The following CADM2 variants were observed in gnomAD, a reference collection of about 807,000 sequenced individuals.
The protein encoded by CADM2 is cell adhesion molecule 2, also known as immunoglobulin superfamily member 4D.
Under a neutral mutation model 49.8 loss-of-function variants are expected in CADM2, and 12 were observed. That is an observed-to-expected ratio of 0.24 (90% CI 0.15 to 0.39). The LOEUF is 0.39. Ranked by LOEUF, CADM2 falls within the 10% of genes least tolerant of loss-of-function variation. The pLI, the probability that CADM2 is intolerant of heterozygous loss-of-function variation, is 1.00. For synonymous variants in CADM2, 214 were observed against 175.4 expected (o/e 1.22, Z -1.74); for missense variants, 378 against 492.3 (o/e 0.77, Z 2.20).
At chr3:85,562,261 C>T (rs1377623602) in intron 1 of CADM2, among the ~76,000 whole-genome samples, 1 of 151,988 alleles carries the variant, frequency 6.6e-6, no homozygotes, top group Non-Finnish European at 1.5e-5. Context: ...AGGCGGATCA[C>T]CTGAGGTCGG....
chr3:85,649,401 T>C (rs1343358156), intron 1 of CADM2, among the ~76,000 whole-genome samples: 1 of 152,198 alleles, frequency 6.6e-6, no homozygotes, highest in African/African-American at 2.4e-5. Context: ...GGCTGAGATA[T>C]GCATTGCTGT....
chr3:85,902,160 C>A (rs1227612074), intron 5 of CADM2, among the ~76,000 whole-genome samples: 2 of 151,982 alleles, frequency 1.3e-5, no homozygotes, highest in Non-Finnish European at 2.9e-5. Context: ...AACAGTATTG[C>A]TGGACTAAAT....
chr3:85,773,946 T>G (rs1019048209), intron 2 of CADM2, among the ~76,000 whole-genome samples: 2 of 151,970 alleles, frequency 1.3e-5, no homozygotes, highest in Non-Finnish European at 2.9e-5. Flanking sequence ...AGGGACATAT[T>G]TTACCTATCC....
intron 1 of CADM2, among the ~76,000 whole-genome samples, chr3:85,666,091 CCAA>C (rs993780093): frequency 2.6e-5 from 4 of 151,916 alleles, no homozygotes; most frequent in Non-Finnish European, 5.9e-5. Context: ...TTCCTATACA[CCAA>C]CAACAGACAA....
rs59038758 is a variant in CADM2, at chr3:85,995,014, T to TAA, written c.970+33386_970+33387dup. 5.7e-4 allele frequency among the ~76,000 whole-genome samples: 47 copies of TAA among 83,022 alleles called. 1 individual carries two copies. Among genetic ancestry groups the TAA allele is most frequent in the East Asian group, 2.2e-3 (5 of 2,304 alleles). The allele number at this position is 83,022 out of a possible 152,430, so 54.5% of individuals were successfully genotyped here. On this transcript the variant is annotated intron_variant, in intron 8 of 9. Coordinates refer to ENST00000383699, the MANE Select transcript of CADM2 (RefSeq NM_001167675.2). ...GGGTTGCCACAAATCTTCGATTTGT[T>TAA]AAAAAAAAAAAAAAAAAAAATCATT...
At chr3:85,971,962 C>T (rs1726206493) in intron 8 of CADM2, among the ~76,000 whole-genome samples, 2 of 151,424 alleles carry the variant, frequency 1.3e-5, no homozygotes, top group Non-Finnish European at 3.0e-5. Flanking sequence ...CCAGTGGAAG[C>T]TATCAGAGGG....
intron 1 of CADM2, among the ~76,000 whole-genome samples, chr3:85,657,080 A>G (rs1452857370): frequency 1.3e-5 from 2 of 152,172 alleles, no homozygotes; most frequent in Non-Finnish European, 2.9e-5. Context: ...CTCCCCACTT[A>G]GATTCAAGCC....
At chr3:85,570,126 C>T (rs1024646405) in intron 1 of CADM2, among the ~76,000 whole-genome samples, 3 of 152,114 alleles carry the variant, frequency 2.0e-5, no homozygotes, top group African/African-American at 7.2e-5. Flanking sequence ...ATTAATTATC[C>T]TTATCCTAAG....
chr3:85,360,414 C>T (rs1035130473), intron 1 of CADM2, among the ~76,000 whole-genome samples: 1 of 152,144 alleles, frequency 6.6e-6, no homozygotes, highest in African/African-American at 2.4e-5. Flanking sequence ...TAAAAGCTGA[C>T]TTACACAAAT....
chr3:85,119,408 T>C (rs1439597488), intron 1 of CADM2, among the ~76,000 whole-genome samples: 1 of 152,188 alleles, frequency 6.6e-6, no homozygotes, highest in Non-Finnish European at 1.5e-5. Context: ...AGGCTTGTAG[T>C]ATAGTTTAAA....
intron 1 of CADM2, among the ~76,000 whole-genome samples, chr3:85,360,330 T>C (rs2032267777): frequency 6.6e-6 from 1 of 152,148 alleles, no homozygotes; most frequent in Admixed American, 6.6e-5. Context: ...GTATATGTTC[T>C]ATCCTATCAA....
chr3:85,041,192 T>C (rs2035424535), intron 1 of CADM2, among the ~76,000 whole-genome samples: 1 of 152,188 alleles, frequency 6.6e-6, no homozygotes, highest in Non-Finnish European at 1.5e-5. Context: ...AGCAAATTGC[T>C]ATATCTGATT....
chr3:86,022,258 T>C lies in CADM2; in HGVS notation c.971-43347T>C, dbSNP rs554869183. The stretch of plus-strand genomic sequence containing the variant: ...ATGTTCTCATTTTCTGAACTACAGA[T>C]GGTTCTTTAGTAAATGTAACCTAGG... On this transcript the variant is annotated intron_variant, in intron 8 of 9. Transcript: ENST00000383699. 5.9e-5 allele frequency among the ~76,000 whole-genome samples: 9 copies of C among 152,252 alleles called. No individual in the cohort carries two copies. The East Asian group carries it at 1.4e-3, about 23-fold the overall frequency.
chr3:85,166,190 AAT>A (rs2040466292), intron 1 of CADM2, among the ~76,000 whole-genome samples: 1 of 151,844 alleles, frequency 6.6e-6, no homozygotes, highest in Admixed American at 6.6e-5. Context: ...GTAGAAAAGC[AAT>A]ATATATGGAA....
At chr3:85,596,803 G>A (rs1161289360) in intron 1 of CADM2, among the ~76,000 whole-genome samples, 1 of 152,026 alleles carries the variant, frequency 6.6e-6, no homozygotes, top group Non-Finnish European at 1.5e-5. Flanking sequence ...TTAAACCTCT[G>A]CTTCCCAAGT....
intron 8 of CADM2, among the ~76,000 whole-genome samples, chr3:86,050,392 C>T (rs191657251): frequency 3.3e-3 from 496 of 152,284 alleles, no homozygotes; most frequent in Non-Finnish European, 5.5e-3. Context: ...GTGCCTGAAG[C>T]TTTTCCAGGC....
intron 1 of CADM2, among the ~76,000 whole-genome samples, chr3:84,989,705 A>G (rs974859846): frequency 1.3e-5 from 2 of 152,038 alleles, no homozygotes; most frequent in Admixed American, 1.3e-4. Flanking sequence ...TATACATCTT[A>G]AGTTCTTCAA....
intron 1 of CADM2, among the ~76,000 whole-genome samples, chr3:85,559,686 A>G (rs1398262121): frequency 2.5e-5 from 1 of 39,902 alleles, no homozygotes; most frequent in East Asian, 2.0e-3. Flanking sequence ...ACACACACAC[A>G]CATATATATA....
chr3:86,052,060 A>G (rs950524837), intron 8 of CADM2, among the ~76,000 whole-genome samples: 4 of 152,204 alleles, frequency 2.6e-5, no homozygotes, highest in Admixed American at 6.5e-5. Context: ...AAAAGGAAAA[A>G]ATGGATTTAT....
Sources: gnomAD v4.1 joint callset for allele counts (sites outside exome capture counted in the v4.1 genomes callset) on GRCh38, gnomAD v4.1.1 for gene constraint, MANE v1.5 for transcripts, NCBI Gene and HGNC (gene_info 2026-07-23, HGNC 2026-07-21) for gene names.